The following ADCY3 variants were observed in gnomAD, a reference collection of about 807,000 sequenced individuals.
The protein encoded by ADCY3 is adenylate cyclase 3, also known as adenylate cyclase type 3.
In ADCY3, 70 loss-of-function variants were observed where a neutral mutation model predicts 119.4. The ratio of observed to expected loss-of-function variants is 0.59; its 90% confidence interval spans 0.48 to 0.72. ADCY3 has a LOEUF of 0.72. Ranked by LOEUF, ADCY3 falls within the 30% of genes least tolerant of loss-of-function variation. The pLI, the probability that ADCY3 is intolerant of heterozygous loss-of-function variation, is 0.00. For missense variants in ADCY3, 1,238 were observed against 1,541.6 expected (o/e 0.80, Z 3.30); for synonymous variants, 672 against 621.4 (o/e 1.08, Z -1.21).
chr2:24,886,333 G>C (rs577352407), intron 2 of ADCY3, among the ~76,000 whole-genome samples: 38 of 152,316 alleles, frequency 2.5e-4, no homozygotes, highest in African/African-American at 9.1e-4. Context: ...CACGCACTTA[G>C]AATGCCCCTC....
chr2:24,895,393 CTTCA>C (rs774918230), intron 2 of ADCY3, among the ~76,000 whole-genome samples: 3 of 152,052 alleles, frequency 2.0e-5, no homozygotes, highest in Non-Finnish European at 4.4e-5. Flanking sequence ...GACCAATTCT[CTTCA>C]TTCTTATTCC....
chr2:24,842,275 A>G lies in ADCY3; in HGVS notation c.935T>C (p.Met312Thr), dbSNP rs1474166732. 1.2e-6 allele frequency: 2 copies of G among 1,613,980 alleles called. No homozygotes were observed. The highest frequency in any genetic ancestry group is 1.7e-6 in the Non-Finnish European group (2 of 1,180,028). Residue 312 changes from methionine to threonine, a missense_variant, in exon 4 of 22, where the codon ATG becomes ACG. Physicochemically the swap from Met to Thr is moderately conservative, Grantham distance 81 (BLOSUM62 -1). Coordinates refer to ENST00000679454, the MANE Select transcript of ADCY3 (RefSeq NM_004036.5). The surrounding 1 kb of genome is among the most constrained non-coding windows in gnomAD (Gnocchi z 4.9). ...KDQQQFNTMY[M>T]YRHENVSILF... ...GTACCTGACGTTCTCGTGACGGTACATGTACATGGTGTTGAACTGCTGCTG... is the reference window on the plus strand; with the variant it reads ...GTACCTGACGTTCTCGTGACGGTACGTGTACATGGTGTTGAACTGCTGCTG...
Position 24,918,087 on chromosome 2 carries a change from G to T in ADCY3, c.675+226C>A, listed in dbSNP as rs1664676286. Among the ~76,000 whole-genome samples the T allele has an allele frequency of 6.6e-6, 1 of 152,210 alleles. No individual in the cohort carries two copies. The highest frequency in any genetic ancestry group is 2.4e-5 in the African/African-American group (1 of 41,454). On this transcript the variant is annotated intron_variant, in intron 2 of 21. Transcript: ENST00000679454. The surrounding 1 kb of genome is among the most constrained non-coding windows in gnomAD (Gnocchi z 5.4). ...CTGGGCACAGGTGAAGAGTGGCCCT[G>T]AGGCCCAATGCCCTGACATCCTCCT...
chr2:24,910,627 TA>T (rs1451897033), intron 2 of ADCY3, among the ~76,000 whole-genome samples: 1 of 152,006 alleles, frequency 6.6e-6, no homozygotes, highest in Non-Finnish European at 1.5e-5. Context: ...CACTTTATGC[TA>T]AATGCAATTT....
chr2:24,835,590 C>T (rs1449547663), intron 9 of ADCY3, among the ~76,000 whole-genome samples: 7 of 152,124 alleles, frequency 4.6e-5, no homozygotes, highest in African/African-American at 9.7e-5. Flanking sequence ...GTCACTGAGA[C>T]GGGCTGAGAG....
intron 16 of ADCY3, 145 bp downstream of exon 16, chr2:24,825,900 C>T (rs1184897907): frequency 1.9e-5 from 14 of 719,938 alleles, no homozygotes; most frequent in South Asian, 8.1e-5. Context: ...ATAGAGAAGG[C>T]GGTGGCCTGA....
chr2:24,880,340 G>A (rs1023237954), intron 2 of ADCY3, among the ~76,000 whole-genome samples: 3 of 152,140 alleles, frequency 2.0e-5, no homozygotes, highest in African/African-American at 7.2e-5. Context: ...CCCCAGACAC[G>A]GAACATGGCG....
At chr2:24,907,440 C>G (rs1453522457) in intron 2 of ADCY3, among the ~76,000 whole-genome samples, 1 of 151,834 alleles carries the variant, frequency 6.6e-6, no homozygotes, top group Non-Finnish European at 1.5e-5. Context: ...AAGTCATTTA[C>G]TTTCCTGTCT....
chr2:24,839,371 G>A (rs969299867), intron 7 of ADCY3, among the ~76,000 whole-genome samples: 2 of 152,356 alleles, frequency 1.3e-5, no homozygotes, highest in Middle Eastern at 3.4e-3. Context: ...GCCCAGATGG[G>A]GAAGGCTGGG....
rs181293040 is a variant in ADCY3, at chr2:24,912,893, A to G, written c.675+5420T>C. 8.5e-5 allele frequency among the ~76,000 whole-genome samples: 13 copies of G among 152,334 alleles called. No homozygotes were observed. In the East Asian group the frequency reaches 2.5e-3, roughly 29 times the overall value. ...GGCCACAGAAAGCTGCGACAGGGAA[A>G]GGATGGAGGGGTTGATTTTCTGCAA... On this transcript the variant is annotated intron_variant, in intron 2 of 21. Transcript: ENST00000679454.
intron 2 of ADCY3, among the ~76,000 whole-genome samples, chr2:24,911,829 A>C (rs1187595765): frequency 2.0e-5 from 3 of 152,026 alleles, no homozygotes; most frequent in Admixed American, 6.6e-5. Context: ...GATTCCAGGC[A>C]TGAGCTACTG....
Position 24,830,788 on chromosome 2 carries a change from A to G in ADCY3, c.2093T>C (p.Ile698Thr), listed in dbSNP as rs768447228. 20 of 1,613,940 alleles carry G rather than the reference A, an allele frequency of 1.2e-5. No individual in the cohort carries two copies. The highest frequency in any genetic ancestry group is 6.7e-5 in the East Asian group (3 of 44,884). Residue 698 changes from isoleucine (I) to threonine (T), a missense_variant, in exon 13 of 22, where the codon ATT becomes ACT. Ile to Thr is a moderately conservative substitution (Grantham distance 89, BLOSUM62 -1). Around this residue, in one of 7 missense-constraint regions of ADCY3, gnomAD observed 499 missense variants for 571.0 expected, o/e 0.87. Coordinates refer to ENST00000679454, the MANE Select transcript of ADCY3 (RefSeq NM_004036.5). ...GTTCCTGGCCCAGCGGGTCCGGTCA[A>G]TCCAAGTTGAGAAGGCCACAAGCTT... is the stretch of plus-strand genomic sequence containing the variant. ...PKKLVAFSTWIDRTRWARNTW... is the reference protein window; with the variant it reads ...PKKLVAFSTWTDRTRWARNTW...
chr2:24,918,897 C>G lies in ADCY3; in HGVS notation c.91G>C (p.Gly31Arg), dbSNP rs773478600. The G allele has an allele frequency of 6.2e-6, 10 of 1,612,920 alleles. No individual in the cohort carries two copies. The East Asian group carries it at 1.8e-4, about 29-fold the overall frequency. ...SVSLPSDPDR[G>R]VGRTHEISVR... Reference sequence around the variant, plus strand: ...GAGATTTCATGGGTCCGGCCCACCCCGCGGTCAGGGTCGGAGGGCAGGCTG... The same window carrying G: ...GAGATTTCATGGGTCCGGCCCACCCGGCGGTCAGGGTCGGAGGGCAGGCTG... The change falls in exon 2 of 22, where the codon GGG becomes CGG. Residue 31 changes from glycine (G) to arginine (R), a missense_variant. Transcript: ENST00000679454. This position sits in a 1 kb window ranked among gnomAD's most constrained non-coding sequence, Gnocchi z 5.4.
At chr2:24,894,157 C>G (rs1280274462) in intron 2 of ADCY3, among the ~76,000 whole-genome samples, 1 of 152,120 alleles carries the variant, frequency 6.6e-6, no homozygotes, top group Non-Finnish European at 1.5e-5. Context: ...TAACTTAGTA[C>G]AGTCTAGTTC....
chr2:24,828,088 T>C lies in ADCY3; in HGVS notation c.2246A>G (p.Glu749Gly). The change falls in exon 14 of 22, where the codon GAG (glutamate) becomes GGG (glycine). Residue 749 changes from glutamate to glycine, a missense_variant. Physicochemically the swap from Glu to Gly is moderately conservative, Grantham distance 98 (BLOSUM62 -2). Coordinates refer to ENST00000679454, the MANE Select transcript of ADCY3 (RefSeq NM_004036.5). ...AGMETEGSCL[E>G]NPKYYNYVAV... ...CACATAGTTGTAATACTTGGGGTTC[T>C]CCAGGCAGCTGCCCTCCGTTTCCAT... is the stretch of plus-strand genomic sequence containing the variant. 6.2e-7 allele frequency: 1 copy of C among 1,614,196 alleles called. No individual in the cohort carries two copies. Among genetic ancestry groups the C allele is most frequent in the East Asian group, 2.2e-5 (1 of 44,882 alleles).
chr2:24,899,148 C>T lies in ADCY3; in HGVS notation c.675+19165G>A, dbSNP rs1292223605. 6.6e-6 allele frequency among the ~76,000 whole-genome samples: 1 copy of T among 152,098 alleles called. No individual in the cohort carries two copies. Among genetic ancestry groups the T allele is most frequent in the Admixed American group, 6.5e-5 (1 of 15,288 alleles). Reference sequence around the variant, plus strand: ...GAGCCACTAGGCAGTTGCCAACTGCCTAGGCAACTCCCTAGGCAGCTGACC... The same window carrying T: ...GAGCCACTAGGCAGTTGCCAACTGCTTAGGCAACTCCCTAGGCAGCTGACC... On this transcript the variant is annotated intron_variant, in intron 2 of 21. Transcript: ENST00000679454. The surrounding 1 kb of genome is among the most constrained non-coding windows in gnomAD (Gnocchi z 4.5).
intron 3 of ADCY3, among the ~76,000 whole-genome samples, chr2:24,869,223 G>T (rs890666293): frequency 3.3e-5 from 5 of 151,904 alleles, no homozygotes; most frequent in South Asian, 2.1e-4. Flanking sequence ...AAAATATTAA[G>T]AATATTATGC....
chr2:24,836,679 T>C (rs1050307397), intron 9 of ADCY3, among the ~76,000 whole-genome samples: 15 of 152,186 alleles, frequency 9.9e-5, no homozygotes, highest in Admixed American at 8.5e-4. Flanking sequence ...TACAAAGGCC[T>C]CCGAGCTAAG....
chr2:24,883,386 A>T (rs970931343), intron 2 of ADCY3, among the ~76,000 whole-genome samples: 28 of 151,414 alleles, frequency 1.8e-4, no homozygotes, highest in Non-Finnish European at 4.1e-4. Flanking sequence ...TGAACAGAGG[A>T]TGTGCAGCTC....
Sources: allele counts gnomAD v4.1 joint callset (sites outside exome capture counted in the v4.1 genomes callset), GRCh38; gene constraint gnomAD v4.1.1; regional missense constraint gnomAD v4.1.1; non-coding constraint Gnocchi (gnomAD v3.1); transcripts MANE v1.5; gene names NCBI Gene and HGNC (gene_info 2026-07-23, HGNC 2026-07-21).